The following LRP1B variants were observed in gnomAD, a reference collection of about 807,000 sequenced individuals.
LRP1B encodes the protein low-density lipoprotein receptor-related protein 1B.
Under a neutral mutation model 556.6 loss-of-function variants are expected in LRP1B, and 217 were observed. The observed-to-expected ratio is 0.39, with a 90% CI of 0.35 to 0.44. The LOEUF (loss-of-function observed/expected upper bound fraction) is 0.44. Ranked by LOEUF, LRP1B falls within the 20% of genes least tolerant of loss-of-function variation. The pLI, the probability that LRP1B is intolerant of heterozygous loss-of-function variation, is 1.00. For missense variants in LRP1B, 5,053 were observed against 5,620.8 expected (o/e 0.90, Z 3.23); for synonymous variants, 2,047 against 1,865.8 (o/e 1.10, Z -2.50).
chr2:141,147,215 G>A (rs1408594685), intron 7 of LRP1B, among the ~76,000 whole-genome samples: 2 of 152,126 alleles, frequency 1.3e-5, no homozygotes, highest in Non-Finnish European at 2.9e-5. Context: ...AGGCTTAGGA[G>A]TGGCAAGGGC....
intron 43 of LRP1B, among the ~76,000 whole-genome samples, chr2:140,582,699 C>T (rs1166624999): frequency 6.6e-6 from 1 of 152,072 alleles, no homozygotes; most frequent in African/African-American, 2.4e-5. Context: ...GACACCAGGC[C>T]TGCTGGTGCC....
chr2:142,001,223 T>C (rs1395545619), intron 1 of LRP1B, among the ~76,000 whole-genome samples: 4 of 152,174 alleles, frequency 2.6e-5, no homozygotes, highest in Non-Finnish European at 5.9e-5. Flanking sequence ...AGCATGAGAA[T>C]GGACTAATAC....
chr2:141,220,243 G>C (rs1198503712), intron 6 of LRP1B, among the ~76,000 whole-genome samples: 3 of 152,160 alleles, frequency 2.0e-5, no homozygotes, highest in Non-Finnish European at 4.4e-5. Context: ...TGACCTGAAG[G>C]AGCTGAAAAC....
At chr2:141,693,532 A>G (rs1299931759) in intron 2 of LRP1B, among the ~76,000 whole-genome samples, 1 of 152,042 alleles carries the variant, frequency 6.6e-6, no homozygotes, top group Admixed American at 6.6e-5. Context: ...TTGAATAATA[A>G]TAGTAATTCA....
intron 1 of LRP1B, among the ~76,000 whole-genome samples, chr2:142,038,876 A>C (rs1703972121): frequency 1.3e-5 from 2 of 151,560 alleles, no homozygotes; most frequent in Admixed American, 6.6e-5. Flanking sequence ...AAAAGACTGG[A>C]GCGTAGTGGC....
chr2:140,908,321 C>CTG (rs1694314196), intron 21 of LRP1B, among the ~76,000 whole-genome samples: 6 of 134,042 alleles, frequency 4.5e-5, no homozygotes, highest in African/African-American at 1.6e-4. Flanking sequence ...CATTGCTCTG[C>CTG]TCTCTCTCTC....
At chr2:141,459,767 C>T (rs1278387266) in intron 3 of LRP1B, among the ~76,000 whole-genome samples, 1 of 152,094 alleles carries the variant, frequency 6.6e-6, no homozygotes, top group African/African-American at 2.4e-5. Context: ...GAGGCCTCCC[C>T]CGCCACATGG....
At chr2:141,681,736 T>G (rs1691112439) in intron 2 of LRP1B, among the ~76,000 whole-genome samples, 1 of 152,178 alleles carries the variant, frequency 6.6e-6, no homozygotes, top group Non-Finnish European at 1.5e-5. Flanking sequence ...ATTCTAGTCC[T>G]GGCACTATCT....
chr2:141,316,288 G>A (rs1009658591), intron 3 of LRP1B, among the ~76,000 whole-genome samples: 1 of 152,120 alleles, frequency 6.6e-6, no homozygotes, highest in Non-Finnish European at 1.5e-5. Context: ...TGAAGCTTGA[G>A]GGCTTGATTG....
chr2:141,892,603 T>C (rs1699323596), intron 1 of LRP1B, among the ~76,000 whole-genome samples: 1 of 152,118 alleles, frequency 6.6e-6, no homozygotes, highest in South Asian at 2.1e-4. Context: ...ATTCTACAAG[T>C]TAGACTTCAC....
intron 3 of LRP1B, among the ~76,000 whole-genome samples, chr2:141,433,383 G>A (rs866402462): frequency 6.6e-6 from 1 of 152,030 alleles, no homozygotes; most frequent in Admixed American, 6.6e-5. Context: ...GTTGGTTGAA[G>A]TGTTCTATAG....
At chr2:141,365,137 A>C (rs529569392) in intron 3 of LRP1B, among the ~76,000 whole-genome samples, 2 of 152,308 alleles carry the variant, frequency 1.3e-5, no homozygotes, top group South Asian at 2.1e-4. Context: ...ATGTTCTAAT[A>C]GATTTTCAGT....
At chr2:140,572,399 C>T (rs936218020) in intron 43 of LRP1B, among the ~76,000 whole-genome samples, 2 of 151,526 alleles carry the variant, frequency 1.3e-5, no homozygotes, top group Non-Finnish European at 3.0e-5. Flanking sequence ...AAAAAACGGT[C>T]AACATCACTA....
At chr2:140,920,216 G>C (rs1375792680) in intron 21 of LRP1B, among the ~76,000 whole-genome samples, 1 of 151,984 alleles carries the variant, frequency 6.6e-6, no homozygotes, top group Admixed American at 6.6e-5. Context: ...TAAGAGAACA[G>C]ATGCGGCACA....
chr2:141,799,307 C>T (rs2105683646), intron 2 of LRP1B, among the ~76,000 whole-genome samples: 1 of 152,182 alleles, frequency 6.6e-6, no homozygotes, highest in East Asian at 1.9e-4. Flanking sequence ...GTGTTCTAGT[C>T]ACATGATGTC....
chr2:141,057,963 C>T (rs1699228161), intron 9 of LRP1B, among the ~76,000 whole-genome samples: 1 of 151,794 alleles, frequency 6.6e-6, no homozygotes, highest in Non-Finnish European at 1.5e-5. Flanking sequence ...GCACTTATTA[C>T]CTTCTAATAT....
At chr2:140,372,814 GATCTT>G (rs1292094659) in intron 69 of LRP1B, among the ~76,000 whole-genome samples, 189 bp downstream of exon 69, 2 of 152,066 alleles carry the variant, frequency 1.3e-5, no homozygotes, top group Admixed American at 1.3e-4. Context: ...CATAAGTAAT[GATCTT>G]ATTTTCCAAA....
intron 3 of LRP1B, among the ~76,000 whole-genome samples, chr2:141,292,094 G>T (rs1194898204): frequency 1.3e-5 from 2 of 152,160 alleles, no homozygotes; most frequent in African/African-American, 4.8e-5. Context: ...CCTCCTGTCA[G>T]ATCAGAGGCC....
At chr2:140,439,157 G>C (rs907521982) in intron 66 of LRP1B, among the ~76,000 whole-genome samples, 1 of 152,140 alleles carries the variant, frequency 6.6e-6, no homozygotes, top group Non-Finnish European at 1.5e-5. Flanking sequence ...AAATAGGAGA[G>C]AGTAGGCTGA....
Sources: gnomAD v4.1 joint callset for allele counts (sites outside exome capture counted in the v4.1 genomes callset) on GRCh38, gnomAD v4.1.1 for gene constraint, MANE v1.5 for transcripts, NCBI Gene and HGNC (gene_info 2026-07-23, HGNC 2026-07-21) for gene names.